The following ZNF770 variants were observed in gnomAD, a reference collection of about 807,000 sequenced individuals.
The protein encoded by ZNF770 is zinc finger protein 770.
In ZNF770, 13 loss-of-function variants were observed where a neutral mutation model predicts 44.8. The ratio of observed to expected loss-of-function variants is 0.29; its 90% CI spans 0.19 to 0.46. ZNF770 has a LOEUF of 0.46. ZNF770 is among the 20% of genes least tolerant of loss of function. ZNF770 has a pLI of 1.00. For missense variants in ZNF770, 681 were observed against 797.9 expected, an observed-to-expected ratio of 0.85 and a Z score of 1.77; for synonymous variants, 304 against 271.8, an observed-to-expected ratio of 1.12 and a Z score of -1.17.
In ZNF770 at chr15:34,981,727, C is replaced by T. The variant is rs762321465; in HGVS notation, c.1708G>A (p.Glu570Lys). Residue 570 changes from glutamate (E) to lysine (K), a missense_variant, in exon 3 of 3, where the codon GAG (glutamate) becomes AAG (lysine). By Grantham distance (56) the Glu-to-Lys change is moderately conservative. Around this residue, in one of 5 missense-constraint regions of ZNF770, gnomAD observed 148 missense variants for 191.0 expected, o/e 0.77. Coordinates refer to ENST00000356321, the MANE Select transcript of ZNF770 (RefSeq NM_014106.4). Reference protein sequence around the residue: ...QCQAPGVQKYEVSESDQMSGV... With the variant: ...QCQAPGVQKYKVSESDQMSGV... ...GACATTTGATCTGACTCTGAGACCTCGTATTTTTGAACACCAGGAGCCTGA... is the reference window on the plus strand; with the variant it reads ...GACATTTGATCTGACTCTGAGACCTTGTATTTTTGAACACCAGGAGCCTGA... The T allele has an allele frequency of 6.2e-6, 10 of 1,613,902 alleles. No individual in the cohort carries two copies. The highest frequency in any genetic ancestry group is 2.2e-5 in the East Asian group (1 of 44,900).
rs961779539 is a variant in ZNF770 at position 34,980,681 on chromosome 15, G to A, written c.*678C>T. ...AATCCCAGCTACTCAGGAGGCTGAG[G>A]CAGGAGAATCGCTGGAATCTGGGAT... is the stretch of plus-strand genomic sequence containing the variant. On this transcript the variant is annotated 3_prime_UTR_variant, in exon 3 of 3. Coordinates refer to ENST00000356321, the MANE Select transcript of ZNF770 (RefSeq NM_014106.4). 5 of 152,252 alleles carry A rather than the reference G, an allele frequency of 3.3e-5. No homozygotes were observed. The highest frequency in any genetic ancestry group is 5.9e-5 in the Non-Finnish European group (4 of 68,124). 9.4% of individuals were successfully genotyped at this position (152,252 alleles called of 1,614,324 possible).
chr15:34,978,750 T>C lies in ZNF770; in HGVS notation c.*2609A>G, dbSNP rs540700704. 6.6e-6 allele frequency: 1 copy of C among 152,144 alleles called. No homozygotes were observed. Among genetic ancestry groups the C allele is most frequent in the Non-Finnish European group, 1.5e-5 (1 of 68,034 alleles). 9.4% of individuals were successfully genotyped at this position (152,144 alleles called of 1,614,324 possible). A position where few individuals can be genotyped will look rare whatever the true frequency, so the allele number is the denominator to read the frequency against. On this transcript the variant is annotated 3_prime_UTR_variant, in exon 3 of 3. Coordinates refer to ENST00000356321, the MANE Select transcript of ZNF770 (RefSeq NM_014106.4). ...TGACAATAAAGGTAAATAAGTACAG[T>C]TGTCCCTTGGTATCCATGGGGTATT...
At position 34,982,069 on chromosome 15, in the gene ZNF770, C is replaced by T; in HGVS notation, c.1366G>A (p.Val456Ile). Residue 456 changes from valine (V) to isoleucine (I), a missense_variant, in exon 3 of 3, where the codon GTA becomes ATA. Physicochemically the swap from Val to Ile is conservative, Grantham distance 29 (BLOSUM62 3). Around this residue, in one of 5 missense-constraint regions of ZNF770, gnomAD observed 432 missense variants for 434.1 expected, o/e 1.00. Transcript: ENST00000356321. ...SGEEFFNNCE[V>I]LQCGFSVPRE... ...GGAACTGAAAAACCACACTGAAGTA[C>T]CTCACAGTTATTAAAGAATTCCTCA... 1 of 1,613,738 alleles carries T rather than the reference C, an allele frequency of 6.2e-7. No individual in the cohort carries two copies. The highest frequency in any genetic ancestry group is 8.5e-7 in the Non-Finnish European group (1 of 1,180,006).
chr15:34,981,860 A>G lies in ZNF770; in HGVS notation c.1575T>C (p.His525=). The change falls in exon 3 of 3, where the codon CAT becomes CAC. Residue 525 remains histidine (H), a synonymous_variant. Transcript: ENST00000356321. ...SAHLKRHEQT[H]NEKSPYASLC... is the part of the protein sequence containing the mutation. ...GAGATGCATAAGGACTCTTTTCATT[A>G]TGAGTCTGTTCATGTCTTTTTAAGT... 5.0e-6 allele frequency: 8 copies of G among 1,613,916 alleles called. No homozygotes were observed. In the South Asian group the frequency reaches 6.6e-5, roughly 13 times the overall value.
rs370239341 is a variant in ZNF770, at chr15:34,983,454, T to C, written c.-20A>G. 3.3e-6 allele frequency: 5 copies of C among 1,518,694 alleles called. No homozygotes were observed. The African/African-American group carries it at 4.2e-5, about 13-fold the overall frequency. 94.1% of individuals were successfully genotyped at this position (1,518,694 alleles called of 1,614,324 possible). A position where few individuals can be genotyped will look rare whatever the true frequency, so the allele number is the denominator to read the frequency against. ...CATCATATTCTTCAATGATATACTCTGATGAGCTCCATACTGTTCTTAAAT... is the reference window on the plus strand; with the variant it reads ...CATCATATTCTTCAATGATATACTCCGATGAGCTCCATACTGTTCTTAAAT... On this transcript the variant is annotated 5_prime_UTR_variant, in exon 3 of 3. Coordinates refer to ENST00000356321, the MANE Select transcript of ZNF770 (RefSeq NM_014106.4).
chr15:34,982,552 G>T lies in ZNF770; in HGVS notation c.883C>A (p.Gln295Lys). ...AAACACTTTTCACACTTTGGACATT[G>T]AAAAGGGACAATATAAATTGAGTGG... ...DVHSIYIVPF[Q>K]CPKCEKCFES... is the part of the protein sequence containing the mutation. The change falls in exon 3 of 3, where the codon CAA becomes AAA. Residue 295 changes from glutamine to lysine, a missense_variant. Physicochemically the swap from Gln to Lys is moderately conservative, Grantham distance 53. This residue lies in a region of ZNF770 where 432 missense variants were observed against 434.1 expected (regional missense o/e 1.00). Transcript: ENST00000356321. 1 of 1,613,934 alleles carries T rather than the reference G, an allele frequency of 6.2e-7. No individual in the cohort carries two copies.
In ZNF770 at chr15:34,983,370, G is replaced by A; in HGVS notation, c.65C>T (p.Pro22Leu). The A allele has an allele frequency of 6.2e-7, 1 of 1,602,416 alleles. No individual in the cohort carries two copies. The highest frequency in any genetic ancestry group is 8.5e-7 in the Non-Finnish European group (1 of 1,174,160). Residue 22 changes from proline (P) to leucine (L), a missense_variant, in exon 3 of 3, where the codon CCT (proline) becomes CTT (leucine). By Grantham distance (98) the Pro-to-Leu change is moderately conservative. This residue lies in a region of ZNF770 where 65 missense variants were observed against 115.0 expected (regional missense o/e 0.57). Coordinates refer to ENST00000356321, the MANE Select transcript of ZNF770 (RefSeq NM_014106.4). ...ATTGCAAACATATGGCCTGTTTCTA[G>A]GTAGTTTGTTGGCTACCACACACTG... ...IQQCVVANKL[P>L]RNRPYVCNIC...
chr15:34,981,337 A>T lies in ZNF770; in HGVS notation c.*22T>A, dbSNP rs1459638662. On this transcript the variant is annotated 3_prime_UTR_variant, in exon 3 of 3. Transcript: ENST00000356321. ...TAAAAATAAGATCACCAGAGACCACAATTGTTAGTGGTTGCGACAATTTAC... is the reference window on the plus strand; with the variant it reads ...TAAAAATAAGATCACCAGAGACCACTATTGTTAGTGGTTGCGACAATTTAC... 1 of 1,586,120 alleles carries T rather than the reference A, an allele frequency of 6.3e-7. No homozygotes were observed. Among genetic ancestry groups the T allele is most frequent in the Non-Finnish European group, 8.5e-7 (1 of 1,170,908 alleles).
In ZNF770 at chr15:34,979,380, G is replaced by C. The variant is rs2050386257; in HGVS notation, c.*1979C>G. The C allele has an allele frequency of 6.0e-6, 1 of 165,746 alleles. No individual in the cohort carries two copies. The highest frequency in any genetic ancestry group is 2.4e-5 in the African/African-American group (1 of 41,574). The allele number at this position is 165,746 out of a possible 1,614,324, so 10.3% of individuals were successfully genotyped here. A position where few individuals can be genotyped will look rare whatever the true frequency, so the allele number is the denominator to read the frequency against. ...TAGTTATTCCTTGCTTTTAACAGAT[G>C]AGTTCTTGACAAGTTTTGTGTAAAG... On this transcript the variant is annotated 3_prime_UTR_variant, in exon 3 of 3. Coordinates refer to ENST00000356321, the MANE Select transcript of ZNF770 (RefSeq NM_014106.4).
chr15:34,982,414 C>T lies in ZNF770; in HGVS notation c.1021G>A (p.Ala341Thr). The T allele has an allele frequency of 6.2e-7, 1 of 1,613,384 alleles. No individual in the cohort carries two copies. The highest frequency in any genetic ancestry group is 8.5e-7 in the Non-Finnish European group (1 of 1,179,622). The change falls in exon 3 of 3, where the codon GCC becomes ACC. Residue 341 changes from alanine to threonine, a missense_variant. Transcript: ENST00000356321. ...TTACTCCTAGCACGCTTAAGCTTGG[C>T]CAAGATTTTTTTAACAATGGTTTTA... is the stretch of plus-strand genomic sequence containing the variant. ...NYKTIVKKIL[A>T]KLKRARSKKL...
At chr15:34,983,779 T>C (rs913715477) in intron 2 of ZNF770, among the ~76,000 whole-genome samples, 1 of 152,186 alleles carries the variant, frequency 6.6e-6, no homozygotes, top group Non-Finnish European at 1.5e-5. Context: ...TAACATGAAA[T>C]AGATATTTTA....
chr15:34,982,326 T>C lies in ZNF770; in HGVS notation c.1109A>G (p.Asp370Gly). 1 of 1,608,982 alleles carries C rather than the reference T, an allele frequency of 6.2e-7. No individual in the cohort carries two copies. The highest frequency in any genetic ancestry group is 8.5e-7 in the Non-Finnish European group (1 of 1,178,736). ...VFKKSFLRNC[D>G]LISGEQSSEQ... Reference sequence around the variant, plus strand: ...AGAGCTCTGCTCACCAGAAATAAGATCACAATTTCTCAAGAAACTCTTTTT... The same window carrying C: ...AGAGCTCTGCTCACCAGAAATAAGACCACAATTTCTCAAGAAACTCTTTTT... The change falls in exon 3 of 3, where the codon GAT (aspartate) becomes GGT (glycine). Residue 370 changes from aspartate to glycine, a missense_variant. This residue lies in a region of ZNF770 where 432 missense variants were observed against 434.1 expected (regional missense o/e 1.00). Coordinates refer to ENST00000356321, the MANE Select transcript of ZNF770 (RefSeq NM_014106.4).
chr15:34,987,860 T>C (rs980010704), intron 1 of ZNF770, among the ~76,000 whole-genome samples, 187 bp from the exon 2 acceptor site: 10 of 151,970 alleles, frequency 6.6e-5, no homozygotes, highest in African/African-American at 9.7e-5. Context: ...AAGCACGTAA[T>C]GGTCGAGCCG....
Position 34,981,289 on chromosome 15 carries a change from T to G in ZNF770, c.*70A>C. The G allele has an allele frequency of 7.0e-7, 1 of 1,436,806 alleles. No homozygotes were observed. The highest frequency in any genetic ancestry group is 9.2e-7 in the Non-Finnish European group (1 of 1,090,070). 89.0% of individuals were successfully genotyped at this position (1,436,806 alleles called of 1,614,324 possible). A position where few individuals can be genotyped will look rare whatever the true frequency, so the allele number is the denominator to read the frequency against. On this transcript the variant is annotated 3_prime_UTR_variant, in exon 3 of 3. Coordinates refer to ENST00000356321, the MANE Select transcript of ZNF770 (RefSeq NM_014106.4). ...TTTAATGCAGGCCTTTCAATAAAAA[T>G]GCATTTTAAATAATACAGGCTTTAA...
intron 2 of ZNF770, among the ~76,000 whole-genome samples, chr15:34,984,254 A>G (rs970788107): frequency 6.6e-6 from 1 of 152,246 alleles, no homozygotes; most frequent in Non-Finnish European, 1.5e-5. Flanking sequence ...AATCTAAGGA[A>G]CTATTTAGCT....
rs74008016 is a variant in ZNF770, at chr15:34,983,460, G to A, written c.-26C>T. 0.042 allele frequency: 58,973 copies of A among 1,413,544 alleles called. 5,474 individuals are homozygous for A. The highest frequency in any genetic ancestry group is 0.37 in the African/African-American group (26,165 of 70,208). The allele number at this position is 1,413,544 out of a possible 1,614,324, so 87.6% of individuals were successfully genotyped here. On this transcript the variant is annotated 5_prime_UTR_variant, in exon 3 of 3. Coordinates refer to ENST00000356321, the MANE Select transcript of ZNF770 (RefSeq NM_014106.4). ...ATTCTTCAATGATATACTCTGATGAGCTCCATACTGTTCTTAAATTCCACA... is the reference window on the plus strand; with the variant it reads ...ATTCTTCAATGATATACTCTGATGAACTCCATACTGTTCTTAAATTCCACA...
At chr15:34,985,326 CAG>C (rs921955043) in intron 2 of ZNF770, among the ~76,000 whole-genome samples, 2 of 151,950 alleles carry the variant, frequency 1.3e-5, no homozygotes, top group African/African-American at 4.8e-5. Flanking sequence ...TCTTCTAGAT[CAG>C]AGAGTTCTAA....
chr15:34,980,581 A>G lies in ZNF770; in HGVS notation c.*778T>C, dbSNP rs2050394484. 6.6e-6 allele frequency: 1 copy of G among 152,152 alleles called. No individual in the cohort carries two copies. The highest frequency in any genetic ancestry group is 1.5e-5 in the Non-Finnish European group (1 of 68,080). 9.4% of individuals were successfully genotyped at this position (152,152 alleles called of 1,614,324 possible). A position where few individuals can be genotyped will look rare whatever the true frequency, so the allele number is the denominator to read the frequency against. On this transcript the variant is annotated 3_prime_UTR_variant, in exon 3 of 3. Coordinates refer to ENST00000356321, the MANE Select transcript of ZNF770 (RefSeq NM_014106.4). Reference sequence around the variant, plus strand: ...GTCACAAGGTCAAGAGATCGAGACCATCCTGGCCAACTTGGTGAACCCCCG... The same window carrying G: ...GTCACAAGGTCAAGAGATCGAGACCGTCCTGGCCAACTTGGTGAACCCCCG...
At position 34,979,643 on chromosome 15, in the gene ZNF770, C is replaced by G. The variant is rs116524840; in HGVS notation, c.*1716G>C. The stretch of plus-strand genomic sequence containing the variant: ...TGTGGTAAAAGAAGCAAGCAGATCA[C>G]CCCCACCTACTATCCCTCCCGCCTC... On this transcript the variant is annotated 3_prime_UTR_variant, in exon 3 of 3. Transcript: ENST00000356321. 2,836 of 448,368 alleles carry G rather than the reference C, an allele frequency of 6.3e-3. 74 individuals carry two copies. The highest frequency in any genetic ancestry group is 0.053 in the African/African-American group (2,610 of 49,538). 27.8% of individuals were successfully genotyped at this position (448,368 alleles called of 1,614,324 possible).
Sources: gnomAD v4.1 joint callset for allele counts (sites outside exome capture counted in the v4.1 genomes callset) on GRCh38, gnomAD v4.1.1 for gene constraint, gnomAD v4.1.1 regional missense constraint, MANE v1.5 for transcripts, NCBI Gene and HGNC (gene_info 2026-07-23, HGNC 2026-07-21) for gene names.